The following PHC3 variants were observed in gnomAD, a reference collection of about 807,000 sequenced individuals.
PHC3 encodes the protein polyhomeotic-like protein 3.
Under a neutral mutation model 107.4 loss-of-function variants are expected in PHC3, and 13 were observed. The ratio of observed to expected loss-of-function variants is 0.12; its 90% CI spans 0.08 to 0.19. The LOEUF (loss-of-function observed/expected upper bound fraction) is 0.19. PHC3 is among the 10% of genes least tolerant of loss of function. PHC3 has a pLI of 1.00. For missense variants in PHC3, 992 were observed against 1,210.9 expected (o/e 0.82, Z 2.68); for synonymous variants, 456 against 427.4 (o/e 1.07, Z -0.83).
chr3:170,141,162 A>G (rs1047661164), intron 6 of PHC3, among the ~76,000 whole-genome samples: 3 of 152,248 alleles, frequency 2.0e-5, no homozygotes, highest in Non-Finnish European at 4.4e-5. Context: ...AACTGCAAAT[A>G]TAATTCTAAA....
In PHC3 at chr3:170,094,108, T is replaced by C. The variant is rs1474102406; in HGVS notation, c.*3122A>G. On this transcript the variant is annotated 3_prime_UTR_variant, in exon 15 of 15. Transcript: ENST00000495893. ...TTTTAAAAAGTTCTGTTTAGAGCAT[T>C]CAACAGCAAAGTAACAGGACCATCA... 6.6e-6 allele frequency: 1 copy of C among 152,152 alleles called. No homozygotes were observed. Among genetic ancestry groups the C allele is most frequent in the Non-Finnish European group, 1.5e-5 (1 of 68,030 alleles). 9.4% of individuals were successfully genotyped at this position (152,152 alleles called of 1,614,324 possible).
chr3:170,174,429 T>C (rs1730096615), intron 2 of PHC3, among the ~76,000 whole-genome samples: 1 of 152,160 alleles, frequency 6.6e-6, no homozygotes, highest in South Asian at 2.1e-4. Flanking sequence ...AAAAGTCAAG[T>C]ACTCTACTAA....
intron 1 of PHC3, among the ~76,000 whole-genome samples, chr3:170,180,847 A>G (rs188726412): frequency 2.8e-4 from 42 of 152,350 alleles, no homozygotes; most frequent in Admixed American, 8.5e-4. Flanking sequence ...AATTCTCGGC[A>G]TAAGTCTAAA....
chr3:170,158,440 A>G (rs1727244606), intron 4 of PHC3, among the ~76,000 whole-genome samples: 1 of 151,898 alleles, frequency 6.6e-6, no homozygotes, highest in Admixed American at 6.6e-5. Flanking sequence ...ATCTCCACTA[A>G]AAATACAAAA....
chr3:170,100,362 C>T (rs1239542361), intron 14 of PHC3, among the ~76,000 whole-genome samples: 1 of 152,098 alleles, frequency 6.6e-6, no homozygotes, highest in Non-Finnish European at 1.5e-5. Flanking sequence ...GAAATGAACA[C>T]TAAGGCATTT....
At chr3:170,132,809 G>T (rs1024381237) in intron 7 of PHC3, among the ~76,000 whole-genome samples, 1 of 152,184 alleles carries the variant, frequency 6.6e-6, no homozygotes, top group African/African-American at 2.4e-5. Flanking sequence ...ACAAAAAACA[G>T]TATATATTTT....
chr3:170,100,954 A>G (rs949139562), intron 14 of PHC3, among the ~76,000 whole-genome samples: 1 of 152,188 alleles, frequency 6.6e-6, no homozygotes, highest in Non-Finnish European at 1.5e-5. Context: ...GAAGAGTGAC[A>G]CTACTTCTGA....
rs1714642754 is a variant in PHC3 at position 170,096,344 on chromosome 3, CAG to C, written c.*884_*885del. 1 of 152,214 alleles carries C rather than the reference CAG, an allele frequency of 6.6e-6. No individual in the cohort carries two copies. Among genetic ancestry groups the C allele is most frequent in the Middle Eastern group, 3.4e-3 (1 of 294 alleles). The allele number at this position is 152,214 out of a possible 1,614,324, so 9.4% of individuals were successfully genotyped here. A position where few individuals can be genotyped will look rare whatever the true frequency, so the allele number is the denominator to read the frequency against. ...ACAATATTTATCACTCCTTCTATAT[CAG>C]AGTTTCTCAACCTTGGCAGTACCGA... On this transcript the variant is annotated 3_prime_UTR_variant, in exon 15 of 15. Coordinates refer to ENST00000495893, the MANE Select transcript of PHC3 (RefSeq NM_024947.4).
chr3:170,178,965 T>C, intron 1 of PHC3, 27 bp from the exon 2 acceptor site: 1 of 1,587,906 alleles, frequency 6.3e-7, no homozygotes, highest in Non-Finnish European at 8.6e-7. Flanking sequence ...AGTGTTTGTA[T>C]TGGTAAAAGC....
At chr3:170,136,754 C>A in intron 6 of PHC3, 89 bp from the exon 7 acceptor site, 2 of 1,348,400 alleles carry the variant, frequency 1.5e-6, no homozygotes, top group Middle Eastern at 1.8e-4. Flanking sequence ...ACTGACAACA[C>A]ATTTATATTA....
At chr3:170,154,496 CA>C (rs201268887) in intron 4 of PHC3, among the ~76,000 whole-genome samples, 1,922 of 152,254 alleles carry the variant, frequency 0.013, 20 homozygotes, top group Non-Finnish European at 0.019. Context: ...AGGATATTTA[CA>C]CATTCTCTAA....
intron 4 of PHC3, among the ~76,000 whole-genome samples, chr3:170,161,914 C>T (rs1211164507): frequency 6.6e-6 from 1 of 152,156 alleles, no homozygotes; most frequent in Admixed American, 6.6e-5. Flanking sequence ...GGTCCTATCT[C>T]TAATACAGTC....
At chr3:170,174,270 T>C (rs1326638920) in intron 2 of PHC3, among the ~76,000 whole-genome samples, 1 of 152,040 alleles carries the variant, frequency 6.6e-6, no homozygotes, top group Non-Finnish European at 1.5e-5. Flanking sequence ...TACTCAATAA[T>C]TTAAAAAATT....
At chr3:170,126,630 C>T (rs1721349253) in intron 8 of PHC3, among the ~76,000 whole-genome samples, 1 of 150,796 alleles carries the variant, frequency 6.6e-6, no homozygotes. Flanking sequence ...CAACCTCTGC[C>T]TCACGGGTTC....
At chr3:170,115,110 C>A (rs1718644849) in intron 10 of PHC3, among the ~76,000 whole-genome samples, 1 of 151,914 alleles carries the variant, frequency 6.6e-6, no homozygotes, top group Non-Finnish European at 1.5e-5. Context: ...GGAATTCATA[C>A]TAAGAAACTT....
At chr3:170,131,957 T>C (rs1335519238) in intron 7 of PHC3, among the ~76,000 whole-genome samples, 1 of 152,258 alleles carries the variant, frequency 6.6e-6, no homozygotes, top group Non-Finnish European at 1.5e-5. Context: ...CATTTTTCTT[T>C]GATCAGAAAT....
At chr3:170,177,002 T>C in intron 2 of PHC3, 10 of 373,390 alleles carry the variant, frequency 2.7e-5, no homozygotes, top group South Asian at 1.9e-4. Context: ...TAATACCATA[T>C]TGCCCCAACC....
chr3:170,138,887 T>C (rs771147096), intron 6 of PHC3, among the ~76,000 whole-genome samples: 20 of 151,978 alleles, frequency 1.3e-4, no homozygotes, highest in Admixed American at 2.6e-4. Context: ...ACTTCCTTCA[T>C]TTGGAGCTCT....
chr3:170,178,377 C>T (rs369917916), intron 2 of PHC3, among the ~76,000 whole-genome samples: 3 of 150,276 alleles, frequency 2.0e-5, no homozygotes, highest in South Asian at 2.1e-4. Flanking sequence ...GTGATCCGCC[C>T]GCCTCGGCCT....
Sources: gnomAD v4.1 joint callset for allele counts (sites outside exome capture counted in the v4.1 genomes callset) on GRCh38, gnomAD v4.1.1 for gene constraint, MANE v1.5 for transcripts, NCBI Gene and HGNC (gene_info 2026-07-23, HGNC 2026-07-21) for gene names.